SREK1: variants seen among roughly 807,000 people sequenced by gnomAD.
SREK1 encodes splicing regulatory glutamic acid and lysine rich protein 1, also known as splicing regulatory glutamine/lysine-rich protein 1.
In SREK1, 13 loss-of-function variants were observed where a neutral mutation model predicts 66.5. The ratio of observed to expected loss-of-function variants is 0.20; its 90% CI spans 0.13 to 0.31. SREK1 has a LOEUF of 0.31. SREK1 is among the 10% of genes least tolerant of loss of function. The pLI, the probability that SREK1 is intolerant of heterozygous loss-of-function variation, is 1.00. For missense variants in SREK1, 607 were observed against 769.6 expected, an observed-to-expected ratio of 0.79 and a Z score of 2.50; for synonymous variants, 265 against 263.5, an observed-to-expected ratio of 1.01 and a Z score of -0.05.
Position 66,170,621 on chromosome 5 carries a change from A to G in SREK1, c.1158A>G (p.Glu386=), listed in dbSNP as rs1745553930. The change falls in exon 9 of 12, where the codon GAA becomes GAG. Residue 386 remains glutamate, a synonymous_variant. Transcript: ENST00000334121. ...AAGACACTCGAGAAAAGATCAAGGA[A>G]AAGGAAAGAGTGAAAGAGAAAGACA... is the stretch of plus-strand genomic sequence containing the variant. ...KRKDTREKIK[E]KERVKEKDRE... is the part of the protein sequence containing the mutation. The G allele has an allele frequency of 1.2e-6, 2 of 1,609,612 alleles. No individual in the cohort carries two copies. Among genetic ancestry groups the G allele is most frequent in the African/African-American group, 2.7e-5 (2 of 74,308 alleles).
intron 7 of SREK1, chr5:66,169,331 T>G (rs1336499081): frequency 6.6e-6 from 1 of 152,238 alleles, no homozygotes; most frequent in Non-Finnish European, 1.5e-5. Flanking sequence ...CAAAACTTTT[T>G]GAGCGCTTTC....
intron 2 of SREK1, among the ~76,000 whole-genome samples, chr5:66,154,756 G>T (rs976015098): frequency 6.6e-5 from 10 of 152,096 alleles, no homozygotes; most frequent in Non-Finnish European, 1.2e-4. Flanking sequence ...CATGCTTGGG[G>T]GTTAGAGTGG....
At chr5:66,163,326 C>T in intron 5 of SREK1, 1 of 153,192 alleles carries the variant, frequency 6.5e-6, no homozygotes, top group Non-Finnish European at 1.5e-5. Flanking sequence ...AGATGCCTTG[C>T]ACATTCAAAG....
intron 2 of SREK1, chr5:66,157,772 T>C: frequency 1.8e-5 from 16 of 884,790 alleles, no homozygotes; most frequent in Non-Finnish European, 2.2e-5. Context: ...GCTGCAAAGG[T>C]AGAAAATAGT....
intron 1 of SREK1, among the ~76,000 whole-genome samples, chr5:66,147,147 A>G (rs1373136328): frequency 1.3e-5 from 2 of 152,168 alleles, no homozygotes; most frequent in African/African-American, 4.8e-5. Context: ...GTTGAGTTTC[A>G]TCTTTATCTT....
intron 11 of SREK1, among the ~76,000 whole-genome samples, chr5:66,178,424 C>T (rs1297626849): frequency 1.3e-5 from 2 of 151,962 alleles, no homozygotes; most frequent in Admixed American, 6.6e-5. Context: ...GAAATTATTT[C>T]ACTCTTTCAA....
intron 7 of SREK1, 74 bp downstream of exon 7, chr5:66,164,971 C>T (rs1016067069): frequency 7.1e-6 from 10 of 1,405,254 alleles, no homozygotes; most frequent in Non-Finnish European, 9.6e-6. Context: ...TATGAGTTTT[C>T]GTCAAAATAT....
At chr5:66,156,684 AAT>A in intron 2 of SREK1, 3 of 985,298 alleles carry the variant, frequency 3.0e-6, no homozygotes, top group South Asian at 9.4e-5. Context: ...AAAATAAGTA[AAT>A]ATAACAATCT....
chr5:66,169,378 G>A (rs1028828892), intron 7 of SREK1: 4 of 152,104 alleles, frequency 2.6e-5, no homozygotes, highest in Non-Finnish European at 4.4e-5. Context: ...GAGCATTTTG[G>A]ATTTTTCAGT....
At position 66,177,572 on chromosome 5, in the gene SREK1, G is replaced by C; in HGVS notation, c.1639G>C (p.Glu547Gln). 2 of 1,610,626 alleles carry C rather than the reference G, an allele frequency of 1.2e-6. No individual in the cohort carries two copies. Among genetic ancestry groups the C allele is most frequent in the Non-Finnish European group, 1.7e-6 (2 of 1,177,932 alleles). ...AAGGGACCACATCAGTGAAAGAAGA[G>C]AGAGAGAACGTTCAACGTCTATGAG... ...KERDHISERR[E>Q]RERSTSMRKS... Residue 547 changes from glutamate (E) to glutamine (Q), a missense_variant, in exon 11 of 12, where the codon GAG (glutamate) becomes CAG (glutamine). Glu to Gln is a conservative substitution (Grantham distance 29). Transcript: ENST00000334121.
chr5:66,145,801 T>TCACA (rs1743141064), intron 1 of SREK1, among the ~76,000 whole-genome samples: 1 of 145,338 alleles, frequency 6.9e-6, no homozygotes, highest in Non-Finnish European at 1.5e-5. Context: ...GATAACACTG[T>TCACA]CTCCCTTGAA....
intron 2 of SREK1, chr5:66,156,724 A>C: frequency 1.0e-6 from 1 of 985,262 alleles, no homozygotes; most frequent in East Asian, 1.1e-4. Flanking sequence ...TTTCATTTTT[A>C]TGATGGTTAT....
At position 66,162,251 on chromosome 5, in the gene SREK1, A is replaced by C. The variant is rs1209893378; in HGVS notation, c.554A>C (p.Tyr185Ser). Residue 185 changes from tyrosine to serine, a missense_variant, in exon 4 of 12, where the codon TAT becomes TCT. Tyr to Ser is a moderately radical substitution (Grantham distance 144). Around this residue, in one of 5 missense-constraint regions of SREK1, gnomAD observed 99 missense variants for 186.6 expected, o/e 0.53. Transcript: ENST00000334121. Reference sequence around the variant, plus strand: ...ATAGATGAAATTAGGAGAACGGTTTATGTTGGAAATCTGAATTCCCAGGTA... The same window carrying C: ...ATAGATGAAATTAGGAGAACGGTTTCTGTTGGAAATCTGAATTCCCAGGTA... ...SKIDEIRRTVYVGNLNSQTTT... is the reference protein window; with the variant it reads ...SKIDEIRRTVSVGNLNSQTTT... 6.2e-7 allele frequency: 1 copy of C among 1,614,080 alleles called. No individual in the cohort carries two copies. The highest frequency in any genetic ancestry group is 8.5e-7 in the Non-Finnish European group (1 of 1,179,962).
chr5:66,153,282 GA>G (rs201143816), intron 1 of SREK1, among the ~76,000 whole-genome samples, 180 bp from the exon 2 acceptor site: 1,911 of 152,254 alleles, frequency 0.013, 44 homozygotes, highest in African/African-American at 0.043. Flanking sequence ...TGTTGTGGTA[GA>G]CAAATCACCA....
chr5:66,173,154 T>C (rs1039692751), intron 9 of SREK1, among the ~76,000 whole-genome samples: 3 of 152,140 alleles, frequency 2.0e-5, no homozygotes, highest in Non-Finnish European at 4.4e-5. Context: ...CAATTTCTTG[T>C]CTTTTAGCAT....
At chr5:66,147,452 C>G (rs1327246748) in intron 1 of SREK1, among the ~76,000 whole-genome samples, 3 of 152,146 alleles carry the variant, frequency 2.0e-5, no homozygotes, top group African/African-American at 4.8e-5. Flanking sequence ...GTAAACATAC[C>G]TATATAACCA....
chr5:66,175,185 A>G (rs1365202550), intron 10 of SREK1, 144 bp downstream of exon 10: 1 of 701,334 alleles, frequency 1.4e-6, no homozygotes, highest in Non-Finnish European at 2.2e-6. Context: ...GATAAAAGTT[A>G]TGTATCAGGA....
chr5:66,161,987 G>A (rs917927158), intron 3 of SREK1, 122 bp from the exon 4 acceptor site: 31 of 1,100,706 alleles, frequency 2.8e-5, no homozygotes, highest in Non-Finnish European at 3.5e-5. Flanking sequence ...CTGAAAGTTC[G>A]GAGTCCCTAG....
At chr5:66,148,912 C>A (rs943977794) in intron 1 of SREK1, among the ~76,000 whole-genome samples, 1 of 152,098 alleles carries the variant, frequency 6.6e-6, no homozygotes, top group Non-Finnish European at 1.5e-5. Flanking sequence ...GATGAGCTAT[C>A]TGTTTGTTGG....
Sources: allele counts gnomAD v4.1 joint callset (sites outside exome capture counted in the v4.1 genomes callset), GRCh38; gene constraint gnomAD v4.1.1; regional missense constraint gnomAD v4.1.1; transcripts MANE v1.5; gene names NCBI Gene and HGNC (gene_info 2026-07-23, HGNC 2026-07-21).